PIGK: variants seen among roughly 807,000 people sequenced by gnomAD.
PIGK encodes the protein phosphatidylinositol glycan anchor biosynthesis class K.
PIGK carries 42 observed loss-of-function variants against 50.6 expected under a neutral mutation model. The observed-to-expected ratio is 0.83, with a 90% confidence interval of 0.65 to 1.07. The LOEUF (loss-of-function observed/expected upper bound fraction) is 1.07. Among genes scored for constraint, PIGK ranks in the 50% least tolerant of loss-of-function variants. The probability of loss-of-function intolerance (pLI) is 0.00; values close to 1 mark genes in which losing one functional copy is unlikely to be tolerated. For missense variants in PIGK, 448 were observed against 488.7 expected (o/e 0.92, Z 0.78); for synonymous variants, 151 against 156.0 (o/e 0.97, Z 0.24).
At chr1:77,179,859 A>G (rs1271360165) in intron 3 of PIGK, among the ~76,000 whole-genome samples, 1 of 152,222 alleles carries the variant, frequency 6.6e-6, no homozygotes, top group Non-Finnish European at 1.5e-5. Context: ...ATCAGATATT[A>G]TATTTACATA....
intron 9 of PIGK, among the ~76,000 whole-genome samples, chr1:77,136,536 CAAAAAAA>C (rs778130093): frequency 1.6e-5 from 1 of 63,670 alleles, no homozygotes; most frequent in Non-Finnish European, 2.9e-5. Context: ...GACTCCGTCT[CAAAAAAA>C]AAAAAAAAAA....
chr1:77,165,286 CTTGT>C (rs1183229387), intron 5 of PIGK, among the ~76,000 whole-genome samples: 1 of 152,062 alleles, frequency 6.6e-6, no homozygotes, highest in African/African-American at 2.4e-5. Context: ...TGCACTTCAT[CTTGT>C]TTGCCATAAA....
Position 77,154,437 on chromosome 1 carries a change from T to G in PIGK, c.986+12A>C. The G allele has an allele frequency of 6.3e-7, 1 of 1,587,610 alleles. No homozygotes were observed. On this transcript the variant is annotated intron_variant, in intron 9 of 10. Coordinates refer to ENST00000370812, the MANE Select transcript of PIGK (RefSeq NM_005482.3). ...CTAGTATTCTATTCAAATAATGGTT[T>G]AAGATGAATACCTGCTTTCCATGAT...
At chr1:77,204,586 A>G (rs867486995) in intron 3 of PIGK, among the ~76,000 whole-genome samples, 8 of 152,084 alleles carry the variant, frequency 5.3e-5, no homozygotes, top group African/African-American at 1.9e-4. Context: ...CTCAGGGGGA[A>G]TCATAGAACC....
At chr1:77,164,971 GTAAA>G (rs2100557900) in intron 5 of PIGK, among the ~76,000 whole-genome samples, 1 of 152,220 alleles carries the variant, frequency 6.6e-6, no homozygotes, top group Non-Finnish European at 1.5e-5. Context: ...AGATCAGGTA[GTAAA>G]TATTTTTGGC....
intron 8 of PIGK, among the ~76,000 whole-genome samples, chr1:77,158,893 T>C (rs1655071320): frequency 6.6e-6 from 1 of 152,056 alleles, no homozygotes; most frequent in East Asian, 1.9e-4. Flanking sequence ...GACAATGCAA[T>C]AAAAAATAAA....
chr1:77,119,839 T>C (rs537919986), intron 10 of PIGK, among the ~76,000 whole-genome samples: 1 of 152,118 alleles, frequency 6.6e-6, no homozygotes, highest in African/African-American at 2.4e-5. Context: ...GGAAAAGAGG[T>C]GGTCCTGGCT....
At chr1:77,129,038 T>C in intron 9 of PIGK, 1 of 768,656 alleles carries the variant, frequency 1.3e-6, no homozygotes, top group Non-Finnish European at 2.4e-6. Flanking sequence ...TGAGACCATA[T>C]GGCCTATGAC....
Position 77,163,946 on chromosome 1 carries a change from G to C in PIGK, c.488-4C>G. On this transcript the variant is annotated splice_polypyrimidine_tract_variant and splice_region_variant and intron_variant, in intron 5 of 10. Transcript: ENST00000370812. ...AAGAAACCATTTCCACCATGCCCTT[G>C]TATAAAGAGTAAAAAAGATCAATAG... 2 of 1,527,346 alleles carry C rather than the reference G, an allele frequency of 1.3e-6. No individual in the cohort carries two copies. Among genetic ancestry groups the C allele is most frequent in the Non-Finnish European group, 1.8e-6 (2 of 1,106,998 alleles). 94.6% of individuals were successfully genotyped at this position (1,527,346 alleles called of 1,614,324 possible).
intron 10 of PIGK, among the ~76,000 whole-genome samples, chr1:77,112,623 G>A (rs934016946): frequency 2.6e-5 from 4 of 151,696 alleles, no homozygotes; most frequent in Non-Finnish European, 4.4e-5. Flanking sequence ...ACCTTATTAC[G>A]TTGTAAGTCA....
At chr1:77,140,792 A>G (rs1433433596) in intron 9 of PIGK, among the ~76,000 whole-genome samples, 2 of 152,234 alleles carry the variant, frequency 1.3e-5, no homozygotes, top group African/African-American at 4.8e-5. Context: ...GTGTTTTTAC[A>G]TGCAAAAGAG....
intron 5 of PIGK, among the ~76,000 whole-genome samples, chr1:77,164,955 T>A (rs904410795): frequency 6.6e-6 from 1 of 152,182 alleles, no homozygotes. Flanking sequence ...GGCAACCTTC[T>A]ACAAAAGATC....
intron 3 of PIGK, among the ~76,000 whole-genome samples, chr1:77,202,024 A>C (rs1779186): frequency 0.21 from 31,564 of 151,050 alleles, 4,558 homozygotes; most frequent in African/African-American, 0.41. Flanking sequence ...TGTCACTGTA[A>C]CCCACCCAGG....
chr1:77,136,074 T>G (rs906523915), intron 9 of PIGK, among the ~76,000 whole-genome samples: 2 of 152,240 alleles, frequency 1.3e-5, no homozygotes, highest in Non-Finnish European at 2.9e-5. Flanking sequence ...GGTATTTTGA[T>G]ACCAAACACT....
chr1:77,178,817 G>A (rs1275420645), intron 3 of PIGK, among the ~76,000 whole-genome samples: 1 of 152,184 alleles, frequency 6.6e-6, no homozygotes. Flanking sequence ...AATGACAAGA[G>A]CTGAAAGAAA....
At chr1:77,150,952 T>A (rs1044277259) in intron 9 of PIGK, among the ~76,000 whole-genome samples, 2 of 152,056 alleles carry the variant, frequency 1.3e-5, no homozygotes, top group African/African-American at 4.8e-5. Context: ...TCAAACTATT[T>A]CAAAAAACTG....
chr1:77,111,478 A>C (rs1053004566), intron 10 of PIGK, among the ~76,000 whole-genome samples: 4 of 152,104 alleles, frequency 2.6e-5, no homozygotes, highest in Non-Finnish European at 5.9e-5. Context: ...GAAGACGGAA[A>C]CCATCATTCT....
intron 10 of PIGK, among the ~76,000 whole-genome samples, chr1:77,119,414 C>T (rs1385893450): frequency 1.3e-5 from 2 of 152,136 alleles, no homozygotes; most frequent in Non-Finnish European, 2.9e-5. Flanking sequence ...TTCCCATTTT[C>T]ATTTCTGTGT....
At chr1:77,160,749 G>A (rs866728370) in intron 8 of PIGK, among the ~76,000 whole-genome samples, 1 of 152,000 alleles carries the variant, frequency 6.6e-6, no homozygotes. Context: ...AAAAATTCAG[G>A]AAAAAAATCT....
Sources: gnomAD v4.1 joint callset for allele counts (sites outside exome capture counted in the v4.1 genomes callset) on GRCh38, gnomAD v4.1.1 for gene constraint, MANE v1.5 for transcripts, NCBI Gene and HGNC (gene_info 2026-07-23, HGNC 2026-07-21) for gene names.